Variants in MORF4L1 observed in about 807,000 individuals in gnomAD.
The protein encoded by MORF4L1 is mortality factor 4 like 1, also known as mortality factor 4-like protein 1.
In MORF4L1, 4 loss-of-function variants were observed where a neutral mutation model predicts 52.9. That is an observed-to-expected ratio of 0.08 (90% CI 0.04 to 0.17). MORF4L1 has a LOEUF of 0.17. MORF4L1 is among the 10% of genes least tolerant of loss of function. The probability of loss-of-function intolerance (pLI) is 1.00; values close to 1 mark genes in which losing one functional copy is unlikely to be tolerated. For missense variants in MORF4L1, 214 were observed against 390.4 expected (o/e 0.55, Z 3.81); for synonymous variants, 123 against 134.8 (o/e 0.91, Z 0.61).
At chr15:78,890,921 TA>T in intron 5 of MORF4L1, 67 bp from the exon 6 acceptor site, 1 of 1,328,096 alleles carries the variant, frequency 7.5e-7, no homozygotes, top group Non-Finnish European at 9.9e-7. Flanking sequence ...TTAACCCTGA[TA>T]AAGGGAGTTG....
intron 5 of MORF4L1, among the ~76,000 whole-genome samples, chr15:78,887,889 C>T (rs1343016116): frequency 1.3e-5 from 2 of 152,196 alleles, no homozygotes; most frequent in Non-Finnish European, 2.9e-5. Flanking sequence ...AGTGATTCTC[C>T]TGCCTCAGCC....
chr15:78,874,654 C>T (rs1303851697), intron 1 of MORF4L1, among the ~76,000 whole-genome samples: 1 of 138,060 alleles, frequency 7.2e-6, no homozygotes, highest in African/African-American at 2.7e-5. Context: ...TCTCGAACTC[C>T]TGGGCTTGAG....
chr15:78,880,271 T>C (rs1305509305), intron 2 of MORF4L1, among the ~76,000 whole-genome samples: 1 of 152,274 alleles, frequency 6.6e-6, no homozygotes, highest in Non-Finnish European at 1.5e-5. Flanking sequence ...CTTGGATAGC[T>C]TTTGTAATCC....
chr15:78,877,848 A>G (rs1176597411), intron 1 of MORF4L1: 1 of 169,582 alleles, frequency 5.9e-6, no homozygotes, highest in Non-Finnish European at 1.3e-5. Flanking sequence ...CTCAACTTAG[A>G]AAAACAGATG....
intron 2 of MORF4L1, among the ~76,000 whole-genome samples, chr15:78,878,869 A>C (rs370566958): frequency 6.6e-6 from 1 of 152,254 alleles, no homozygotes. Context: ...ACTATACCTT[A>C]AACAGTCGTA....
At chr15:78,885,102 A>G in intron 3 of MORF4L1, 1 of 1,556,878 alleles carries the variant, frequency 6.4e-7, no homozygotes, top group Non-Finnish European at 8.8e-7. Context: ...ATGTTTTGAA[A>G]TTTTCTCTAG....
intron 11 of MORF4L1, among the ~76,000 whole-genome samples, chr15:78,895,678 A>G (rs1347112562): frequency 6.6e-6 from 1 of 152,212 alleles, no homozygotes; most frequent in Admixed American, 6.5e-5. Flanking sequence ...CATTATTTTA[A>G]TCTTTGCATA....
intron 3 of MORF4L1, among the ~76,000 whole-genome samples, chr15:78,884,212 A>ACAC (rs201298610): frequency 1.4e-5 from 2 of 140,780 alleles, no homozygotes; most frequent in African/African-American, 5.3e-5. Context: ...TCAAAAAAAA[A>ACAC]AACAAAAAGC....
At chr15:78,883,037 A>G (rs2056630228) in intron 3 of MORF4L1, among the ~76,000 whole-genome samples, 1 of 152,214 alleles carries the variant, frequency 6.6e-6, no homozygotes. Context: ...CAACATGGTG[A>G]AACCCCATCT....
chr15:78,878,157 T>TA lies in MORF4L1; in HGVS notation c.41-54dup, dbSNP rs1195314243. The TA allele has an allele frequency of 3.2e-6, 5 of 1,541,082 alleles. No individual in the cohort carries two copies. The African/African-American group carries it at 5.5e-5, about 17-fold the overall frequency. ...AAAGTGTGATGACTCTCTAAGATGT[T>TA]AATCTTTTTATATATGAGAAGAAAT... On this transcript the variant is annotated intron_variant, in intron 1 of 11. Coordinates refer to ENST00000426013, the MANE Select transcript of MORF4L1 (RefSeq NM_006791.4).
chr15:78,890,269 G>C (rs574851480), intron 5 of MORF4L1, among the ~76,000 whole-genome samples: 7 of 151,902 alleles, frequency 4.6e-5, no homozygotes, highest in Non-Finnish European at 7.4e-5. Context: ...CGTGAGGTAA[G>C]TTGCTGTTAG....
At chr15:78,891,461 C>A (rs1297830226) in intron 6 of MORF4L1, 23 bp from the exon 7 acceptor site, 1 of 1,588,368 alleles carries the variant, frequency 6.3e-7, no homozygotes, top group Admixed American at 1.7e-5. Flanking sequence ...CTAAATGAGA[C>A]CCCTCCCCGC....
At chr15:78,890,944 G>A in intron 5 of MORF4L1, 45 bp from the exon 6 acceptor site, 1 of 1,388,384 alleles carries the variant, frequency 7.2e-7, no homozygotes, top group Non-Finnish European at 9.5e-7. Context: ...AACAGAGGCA[G>A]TTTTACTGGA....
rs560714803 is a variant in MORF4L1, at chr15:78,880,707, G to T, written c.155+128G>T. 41 of 633,136 alleles carry T rather than the reference G, an allele frequency of 6.5e-5. No individual in the cohort carries two copies. In the Middle Eastern group the frequency reaches 1.7e-3, roughly 26 times the overall value. The allele number at this position is 633,136 out of a possible 1,614,324, so 39.2% of individuals were successfully genotyped here. A position where few individuals can be genotyped will look rare whatever the true frequency, so the allele number is the denominator to read the frequency against. ...ATATAGTACATATTGAAGCAAAGGT[G>T]AATCATTTGTAGTATGACAAAACTA... is the stretch of plus-strand genomic sequence containing the variant. On this transcript the variant is annotated intron_variant, in intron 3 of 11. Coordinates refer to ENST00000426013, the MANE Select transcript of MORF4L1 (RefSeq NM_006791.4).
At chr15:78,895,345 A>G (rs2056869646) in intron 11 of MORF4L1, among the ~76,000 whole-genome samples, 1 of 152,256 alleles carries the variant, frequency 6.6e-6, no homozygotes, top group Admixed American at 6.5e-5. Context: ...ACCAGTGAAA[A>G]GTAGGACAGG....
rs112530361 is a variant in MORF4L1, at chr15:78,894,947, G to A, written c.887+43G>A. On this transcript the variant is annotated intron_variant, in intron 11 of 11. Coordinates refer to ENST00000426013, the MANE Select transcript of MORF4L1 (RefSeq NM_006791.4). The stretch of plus-strand genomic sequence containing the variant: ...ATTATAAACATGGATTTGAAAATTA[G>A]CGTGTAATGGGAGGGATTGGCAGTA... 10 of 1,467,478 alleles carry A rather than the reference G, an allele frequency of 6.8e-6. No homozygotes were observed. The East Asian group carries it at 1.8e-4, about 27-fold the overall frequency. 90.9% of individuals were successfully genotyped at this position (1,467,478 alleles called of 1,614,324 possible). A position where few individuals can be genotyped will look rare whatever the true frequency, so the allele number is the denominator to read the frequency against.
intron 10 of MORF4L1, chr15:78,894,458 G>A: frequency 5.3e-6 from 2 of 379,708 alleles, no homozygotes; most frequent in Non-Finnish European, 9.3e-6. Flanking sequence ...GCCCAGGCTG[G>A]AGTGCAGTGG....
chr15:78,886,478 A>G (rs2056705464), intron 4 of MORF4L1: 2 of 486,810 alleles, frequency 4.1e-6, no homozygotes, highest in East Asian at 6.9e-5. Context: ...GGAAATTGCT[A>G]TAGGTATGAA....
chr15:78,883,737 A>G (rs1301501712), intron 3 of MORF4L1, among the ~76,000 whole-genome samples: 1 of 152,204 alleles, frequency 6.6e-6, no homozygotes, highest in Non-Finnish European at 1.5e-5. Flanking sequence ...AGATAAATAT[A>G]TGCAATGTTG....
Sources: gnomAD v4.1 joint callset for allele counts (sites outside exome capture counted in the v4.1 genomes callset) on GRCh38, gnomAD v4.1.1 for gene constraint, MANE v1.5 for transcripts, NCBI Gene and HGNC (gene_info 2026-07-23, HGNC 2026-07-21) for gene names.